Variants in MYO16 observed in about 807,000 individuals in gnomAD.
MYO16 encodes unconventional myosin-XVI.
Under a neutral mutation model 205.3 loss-of-function variants are expected in MYO16, and 94 were observed. The ratio of observed to expected loss-of-function variants is 0.46; its 90% CI spans 0.39 to 0.54. MYO16 has a LOEUF of 0.54. Ranked by LOEUF, MYO16 falls within the 20% of genes least tolerant of loss-of-function variation. MYO16 has a pLI of 0.00. For missense variants in MYO16, 2,315 were observed against 2,387.5 expected, an observed-to-expected ratio of 0.97 and a Z score of 0.63; for synonymous variants, 988 against 954.0, an observed-to-expected ratio of 1.04 and a Z score of -0.66.
intron 9 of MYO16, among the ~76,000 whole-genome samples, chr13:108,829,745 C>T (rs1478185805): frequency 1.3e-5 from 2 of 152,086 alleles, no homozygotes; most frequent in Non-Finnish European, 2.9e-5. Flanking sequence ...GAGAAATACC[C>T]CATGGGGATT....
the MYO16 span, among the ~76,000 whole-genome samples, chr13:108,540,858 G>A: frequency 2.6e-5 from 4 of 152,142 alleles, no homozygotes; most frequent in Non-Finnish European, 5.9e-5. Context: ...TAACCTCAAT[G>A]TCAGCCAAGA....
At chr13:108,691,365 T>C (rs1882887672) in intron 2 of MYO16, among the ~76,000 whole-genome samples, 1 of 151,870 alleles carries the variant, frequency 6.6e-6, no homozygotes, top group East Asian at 1.9e-4. Context: ...GTCATCTGAG[T>C]CCTGTAGATA....
intron 4 of MYO16, among the ~76,000 whole-genome samples, chr13:108,758,634 C>T (rs1885499076): frequency 6.6e-6 from 1 of 152,184 alleles, no homozygotes; most frequent in Admixed American, 6.5e-5. Context: ...ACATGACCGT[C>T]ACACTAGCTG....
At chr13:109,117,478 A>G (rs1355083324) in intron 28 of MYO16, among the ~76,000 whole-genome samples, 1 of 148,114 alleles carries the variant, frequency 6.8e-6, no homozygotes, top group Non-Finnish European at 1.5e-5. Context: ...ATATGTATGT[A>G]TATGTATATA....
intron 16 of MYO16, among the ~76,000 whole-genome samples, chr13:108,934,107 A>G (rs1318144339): frequency 2.0e-5 from 3 of 152,074 alleles, no homozygotes; most frequent in African/African-American, 7.2e-5. Flanking sequence ...TTTCCTTTGG[A>G]TAACAAAGGA....
At chr13:109,190,909 G>A (rs1879883293) in intron 34 of MYO16, among the ~76,000 whole-genome samples, 1 of 152,142 alleles carries the variant, frequency 6.6e-6, no homozygotes, top group Non-Finnish European at 1.5e-5. Flanking sequence ...AGTTCCGAGT[G>A]AGTGGATTGC....
At chr13:108,713,347 T>C (rs1883798135) in intron 3 of MYO16, among the ~76,000 whole-genome samples, 1 of 152,204 alleles carries the variant, frequency 6.6e-6, no homozygotes, top group African/African-American at 2.4e-5. Flanking sequence ...TAGAAATTAA[T>C]GTAAGATATC....
At chr13:108,917,110 C>T (rs1158568244) in intron 16 of MYO16, among the ~76,000 whole-genome samples, 3 of 152,140 alleles carry the variant, frequency 2.0e-5, no homozygotes, top group Non-Finnish European at 4.4e-5. Context: ...CATGCACGCA[C>T]GCACACACAC....
chr13:109,003,041 A>G (rs901259871), intron 21 of MYO16, among the ~76,000 whole-genome samples: 3 of 152,346 alleles, frequency 2.0e-5, no homozygotes, highest in Admixed American at 6.5e-5. Context: ...TGCTTTGAAC[A>G]GTTTAGAATA....
At chr13:108,857,186 G>A (rs2139105131) in intron 11 of MYO16, among the ~76,000 whole-genome samples, 1 of 152,226 alleles carries the variant, frequency 6.6e-6, no homozygotes, top group South Asian at 2.1e-4. Context: ...CACTCTTTAA[G>A]TAAACCTTCC....
chr13:109,020,707 C>T (rs1885992216), intron 23 of MYO16, among the ~76,000 whole-genome samples: 2 of 152,176 alleles, frequency 1.3e-5, no homozygotes, highest in South Asian at 4.1e-4. Context: ...TCCACTTTTG[C>T]ATGTACAGCT....
chr13:108,835,783 C>T (rs1876881063), intron 9 of MYO16, among the ~76,000 whole-genome samples: 1 of 152,146 alleles, frequency 6.6e-6, no homozygotes, highest in Non-Finnish European at 1.5e-5. Context: ...AGCATTTTGC[C>T]ACGCCCTAAA....
chr13:109,031,174 C>G (rs1037286133), intron 23 of MYO16, among the ~76,000 whole-genome samples: 2 of 152,102 alleles, frequency 1.3e-5, no homozygotes, highest in Non-Finnish European at 2.9e-5. Flanking sequence ...TCACTGAAAC[C>G]TCTGCCTCCC....
At chr13:108,907,311 C>T (rs181578730) in intron 15 of MYO16, among the ~76,000 whole-genome samples, 9 of 152,068 alleles carry the variant, frequency 5.9e-5, no homozygotes, top group South Asian at 4.2e-4. Context: ...CTTTTTGGAA[C>T]GCATATATGA....
intron 3 of MYO16, among the ~76,000 whole-genome samples, chr13:108,723,147 C>A (rs1392699528): frequency 1.4e-5 from 2 of 139,654 alleles, no homozygotes; most frequent in African/African-American, 6.0e-5. Flanking sequence ...AATTTGAACA[C>A]CCATTTTTTT....
At chr13:108,598,336 G>A (rs1040672525) in intron 1 of MYO16, among the ~76,000 whole-genome samples, 1 of 152,076 alleles carries the variant, frequency 6.6e-6, no homozygotes, top group Admixed American at 6.6e-5. Context: ...CAGACAGACA[G>A]AGAGACAACA....
intron 32 of MYO16, among the ~76,000 whole-genome samples, chr13:109,164,411 A>G (rs2139875382): frequency 1.3e-5 from 2 of 152,362 alleles, no homozygotes. Flanking sequence ...TAGTGTGCAG[A>G]ATGCGGAAGT....
intron 16 of MYO16, among the ~76,000 whole-genome samples, chr13:108,952,470 G>A (rs1027689458): frequency 2.0e-5 from 3 of 152,156 alleles, no homozygotes; most frequent in African/African-American, 4.8e-5. Context: ...CTTCTTTTGT[G>A]AATTGTTGTG....
At chr13:109,059,757 A>G (rs920525105) in intron 27 of MYO16, among the ~76,000 whole-genome samples, 4 of 152,106 alleles carry the variant, frequency 2.6e-5, no homozygotes, top group African/African-American at 7.2e-5. Context: ...GAAGCTCTTT[A>G]GTTTATTTAG....
Sources: gnomAD v4.1 joint callset for allele counts (sites outside exome capture counted in the v4.1 genomes callset) on GRCh38, gnomAD v4.1.1 for gene constraint, MANE v1.5 for transcripts, NCBI Gene and HGNC (gene_info 2026-07-23, HGNC 2026-07-21) for gene names.